The following SIPA1L3 variants were observed in gnomAD, a reference collection of about 807,000 sequenced individuals.
SIPA1L3 encodes the protein signal induced proliferation associated 1 like 3, also known as signal-induced proliferation-associated 1-like protein 3.
Under a neutral mutation model 150.1 loss-of-function variants are expected in SIPA1L3, and 59 were observed. The ratio of observed to expected loss-of-function variants is 0.39; its 90% confidence interval spans 0.32 to 0.49. The LOEUF is 0.49. Ranked by LOEUF, SIPA1L3 falls within the 20% of genes least tolerant of loss-of-function variation. The probability of loss-of-function intolerance (pLI) is 0.86; values close to 1 mark genes in which losing one functional copy is unlikely to be tolerated. For missense variants in SIPA1L3, 2,211 were observed against 2,489.5 expected (o/e 0.89, Z 2.38); for synonymous variants, 1,070 against 1,077.6 (o/e 0.99, Z 0.14).
intron 13 of SIPA1L3, 111 bp from the exon 14 acceptor site, chr19:38,162,142 A>G: frequency 1.3e-6 from 1 of 783,366 alleles, no homozygotes; most frequent in Non-Finnish European, 2.3e-6. Flanking sequence ...CAAGGTGTAA[A>G]TTGATGGGGT....
At chr19:38,065,080 A>G (rs1969541793) in intron 2 of SIPA1L3, among the ~76,000 whole-genome samples, 1 of 152,232 alleles carries the variant, frequency 6.6e-6, no homozygotes, top group South Asian at 2.1e-4. Context: ...TTTAACCTAT[A>G]AATAAAGTTC....
At chr19:37,929,176 C>T (rs1466446603) in intron 1 of SIPA1L3, among the ~76,000 whole-genome samples, 2 of 152,080 alleles carry the variant, frequency 1.3e-5, no homozygotes, top group Admixed American at 1.3e-4. Context: ...TTAGGATTGA[C>T]CCTCTGGGGC....
At chr19:38,131,262 A>G (rs1042424476) in intron 10 of SIPA1L3, among the ~76,000 whole-genome samples, 2 of 152,332 alleles carry the variant, frequency 1.3e-5, no homozygotes, top group South Asian at 2.1e-4. Flanking sequence ...TAAGTCTCAG[A>G]AGGAAATTAA....
chr19:38,121,369 C>T (rs1265975600), intron 9 of SIPA1L3, among the ~76,000 whole-genome samples: 5 of 151,264 alleles, frequency 3.3e-5, no homozygotes, highest in South Asian at 2.1e-4. Flanking sequence ...ACCCGGAAGG[C>T]GAGGCTTGCA....
At chr19:38,175,323 T>C (rs546974419) in intron 15 of SIPA1L3, among the ~76,000 whole-genome samples, 118 of 152,230 alleles carry the variant, frequency 7.8e-4, no homozygotes, top group African/African-American at 2.8e-3. Context: ...GCTCGCTCCC[T>C]GAGAGCCTGT....
intron 1 of SIPA1L3, among the ~76,000 whole-genome samples, chr19:37,934,291 A>C (rs960838625): frequency 1.3e-5 from 2 of 152,170 alleles, no homozygotes; most frequent in Admixed American, 1.3e-4. Context: ...ACATCATCGC[A>C]TGTCAGGACC....
chr19:38,135,905 A>C (rs2145928193), intron 10 of SIPA1L3, among the ~76,000 whole-genome samples: 1 of 152,108 alleles, frequency 6.6e-6, no homozygotes. Context: ...TGAGGCGAGC[A>C]GTGAGGACGG....
chr19:38,044,003 T>C (rs1488159156), intron 2 of SIPA1L3, among the ~76,000 whole-genome samples: 1 of 151,926 alleles, frequency 6.6e-6, no homozygotes. Flanking sequence ...GTCCTGCCTG[T>C]GGGGGTGTGA....
At chr19:38,177,197 CA>C (rs1428208854) in intron 15 of SIPA1L3, among the ~76,000 whole-genome samples, 1 of 150,944 alleles carries the variant, frequency 6.6e-6, no homozygotes, top group Admixed American at 6.6e-5. Context: ...CCATCTCTAC[CA>C]AAAATAGAAA....
chr19:38,162,005 G>T (rs1972099936), intron 13 of SIPA1L3, among the ~76,000 whole-genome samples: 3 of 152,220 alleles, frequency 2.0e-5, no homozygotes, highest in Non-Finnish European at 2.9e-5. Context: ...TCATTCCATT[G>T]CACTTTAGCC....
At chr19:38,194,551 G>A (rs1600198428) in intron 18 of SIPA1L3, among the ~76,000 whole-genome samples, 1 of 152,256 alleles carries the variant, frequency 6.6e-6, no homozygotes, top group East Asian at 1.9e-4. Flanking sequence ...ACCTTTTTGA[G>A]TTTGTTACAT....
At chr19:38,064,365 T>A (rs1424639457) in intron 2 of SIPA1L3, among the ~76,000 whole-genome samples, 1 of 152,220 alleles carries the variant, frequency 6.6e-6, no homozygotes, top group Non-Finnish European at 1.5e-5. Context: ...AGGTCACATT[T>A]GGTTTGCTTG....
chr19:38,161,770 AG>A (rs776717257), intron 13 of SIPA1L3, among the ~76,000 whole-genome samples: 2 of 151,394 alleles, frequency 1.3e-5, no homozygotes, highest in Non-Finnish European at 2.9e-5. Context: ...AAAGGAGGCT[AG>A]GCATGGTGGC....
chr19:38,184,599 G>T (rs958941027), intron 16 of SIPA1L3: 7 of 152,230 alleles, frequency 4.6e-5, no homozygotes, highest in African/African-American at 1.7e-4. Context: ...TGAGTGAGGG[G>T]CTCTGCCCTC....
intron 3 of SIPA1L3, among the ~76,000 whole-genome samples, chr19:38,086,345 C>T (rs183801020): frequency 3.3e-5 from 5 of 151,984 alleles, no homozygotes; most frequent in Admixed American, 6.6e-5. Context: ...AAAAAAAAGC[C>T]GTTTTCTTTT....
At chr19:38,048,088 T>C (rs926144466) in intron 2 of SIPA1L3, among the ~76,000 whole-genome samples, 4 of 152,176 alleles carry the variant, frequency 2.6e-5, no homozygotes, top group Non-Finnish European at 4.4e-5. Context: ...CTAGGATGAA[T>C]TGGCCCTTCC....
intron 20 of SIPA1L3, 39 bp downstream of exon 20, chr19:38,202,036 G>T (rs749031436): frequency 4.5e-6 from 7 of 1,562,186 alleles, no homozygotes; most frequent in Non-Finnish European, 6.1e-6. Context: ...CATACCAGCG[G>T]CAGGCCTGTG....
chr19:38,053,458 T>C (rs1472887760), intron 2 of SIPA1L3, among the ~76,000 whole-genome samples: 2 of 152,172 alleles, frequency 1.3e-5, no homozygotes, highest in African/African-American at 4.8e-5. Context: ...ATAGTGGTAG[T>C]AATAGCCATG....
chr19:37,923,136 CAA>C (rs200934890), intron 1 of SIPA1L3, among the ~76,000 whole-genome samples: 14 of 122,558 alleles, frequency 1.1e-4, no homozygotes, highest in East Asian at 2.3e-4. Context: ...GACTCCATCT[CAA>C]AAAAAAAAAA....
Sources: allele counts gnomAD v4.1 joint callset (sites outside exome capture counted in the v4.1 genomes callset), GRCh38; gene constraint gnomAD v4.1.1; transcripts MANE v1.5; gene names NCBI Gene and HGNC (gene_info 2026-07-23, HGNC 2026-07-21).